The following CHRNA6 variants were observed in gnomAD, a reference collection of about 807,000 sequenced individuals.
The protein encoded by CHRNA6 is neuronal acetylcholine receptor subunit alpha-6.
Under a neutral mutation model 40.9 loss-of-function variants are expected in CHRNA6, and 31 were observed. The observed-to-expected ratio is 0.76, with a 90% confidence interval of 0.57 to 1.02. CHRNA6 has a LOEUF of 1.02. CHRNA6 is among the 50% of genes least tolerant of loss of function. The pLI, the probability that CHRNA6 is intolerant of heterozygous loss-of-function variation, is 0.00. For synonymous variants in CHRNA6, 222 were observed against 221.3 expected (o/e 1.00, Z -0.03); for missense variants, 546 against 596.6 (o/e 0.92, Z 0.88).
chr8:42,765,170 G>C lies in CHRNA6; in HGVS notation c.114C>G (p.Phe38Leu). The C allele has an allele frequency of 6.2e-7, 1 of 1,614,096 alleles. No homozygotes were observed. Among genetic ancestry groups the C allele is most frequent in the African/African-American group, 1.3e-5 (1 of 75,056 alleles). Reference protein sequence around the residue: ...CVGCATEERLFHKLFSHYNQF... With the variant: ...CVGCATEERLLHKLFSHYNQF... ...GGTTGTAATGAGAAAACAGTTTGTG[G>C]AAGAGCCTCTCCTCAGTTGCACAGC... The change falls in exon 2 of 6, where the codon TTC becomes TTG. Residue 38 changes from phenylalanine to leucine, a missense_variant. Transcript: ENST00000276410.
intron 5 of CHRNA6, among the ~76,000 whole-genome samples, chr8:42,754,869 T>C (rs1484258902): frequency 6.6e-6 from 1 of 152,020 alleles, no homozygotes; most frequent in Non-Finnish European, 1.5e-5. Flanking sequence ...AGCACCTAAA[T>C]CCCTCAAGTA....
rs370119382 is a variant in CHRNA6 at position 42,758,359 on chromosome 8, T to G, written c.264+710A>C. On this transcript the variant is annotated intron_variant, in intron 3 of 5. Transcript: ENST00000276410. ...GATTAAGACTTCCTTTCTGTTTTTT[T>G]TTTGTTTTGTTTTGTTTTCAAGACA... is the stretch of plus-strand genomic sequence containing the variant. 4.7e-3 allele frequency among the ~76,000 whole-genome samples: 712 copies of G among 151,774 alleles called. 4 individuals are homozygous for G. The highest frequency in any genetic ancestry group is 0.016 in the African/African-American group (676 of 41,260).
At position 42,760,560 on chromosome 8, in the gene CHRNA6, TCA is replaced by T. The variant is rs1033831640; in HGVS notation, c.220-1449_220-1448del. Among the ~76,000 whole-genome samples, 35 of 149,628 alleles carry T rather than the reference TCA, an allele frequency of 2.3e-4. 1 individual carries two copies. Among genetic ancestry groups the T allele is most frequent in the East Asian group, 8.0e-4 (4 of 4,990 alleles). ...CATACCCACTCACACTCAGGCACAC[TCA>T]CACAGTCATACACAGGCTCACACAC... On this transcript the variant is annotated intron_variant, in intron 2 of 5. Coordinates refer to ENST00000276410, the MANE Select transcript of CHRNA6 (RefSeq NM_004198.3).
intron 3 of CHRNA6, among the ~76,000 whole-genome samples, chr8:42,757,930 G>A (rs2128911513): frequency 6.6e-6 from 1 of 151,598 alleles, no homozygotes; most frequent in East Asian, 1.9e-4. Flanking sequence ...AGCTACTCAG[G>A]AGACTGAGGC....
In CHRNA6 at chr8:42,768,728, A is replaced by C; in HGVS notation, c.-298T>G. ...AAAGGGGAAGAAAAGCAGAAAAGAA[A>C]TGCTGGGGCAGACAGGACCCCGGGA... is the stretch of plus-strand genomic sequence containing the variant. On this transcript the variant is annotated 5_prime_UTR_variant, in exon 1 of 6. Transcript: ENST00000276410. 1 of 273,206 alleles carries C rather than the reference A, an allele frequency of 3.7e-6. No individual in the cohort carries two copies. Among genetic ancestry groups the C allele is most frequent in the Middle Eastern group, 1.1e-3 (1 of 896 alleles). 16.9% of individuals were successfully genotyped at this position (273,206 alleles called of 1,614,324 possible). A position where few individuals can be genotyped will look rare whatever the true frequency, so the allele number is the denominator to read the frequency against.
chr8:42,764,783 C>T (rs946267128), intron 2 of CHRNA6, among the ~76,000 whole-genome samples: 1 of 152,176 alleles, frequency 6.6e-6, no homozygotes, highest in Non-Finnish European at 1.5e-5. Context: ...ACAGTGTAAA[C>T]AGGCGTCTGG....
intron 2 of CHRNA6, among the ~76,000 whole-genome samples, chr8:42,764,456 T>C (rs565753639): frequency 6.6e-6 from 1 of 152,154 alleles, no homozygotes; most frequent in South Asian, 2.1e-4. Flanking sequence ...GCCTCCCTAG[T>C]AGCAGGAGCT....
chr8:42,753,142 G>A lies in CHRNA6; in HGVS notation c.*37C>T. 6.4e-7 allele frequency: 1 copy of A among 1,570,090 alleles called. No homozygotes were observed. Among genetic ancestry groups the A allele is most frequent in the Non-Finnish European group, 8.6e-7 (1 of 1,160,664 alleles). ...TGGCAGGGAATGCAGAACAAATATGGTGTCTGTAAATTTCTGAACATAAAA... is the reference window on the plus strand; with the variant it reads ...TGGCAGGGAATGCAGAACAAATATGATGTCTGTAAATTTCTGAACATAAAA... On this transcript the variant is annotated 3_prime_UTR_variant, in exon 6 of 6. Coordinates refer to ENST00000276410, the MANE Select transcript of CHRNA6 (RefSeq NM_004198.3).
At chr8:42,759,564 G>C (rs994738224) in intron 2 of CHRNA6, among the ~76,000 whole-genome samples, 1 of 152,050 alleles carries the variant, frequency 6.6e-6, no homozygotes, top group East Asian at 1.9e-4. Flanking sequence ...TCTGGGCTCT[G>C]AGTCCTGAGA....
intron 2 of CHRNA6, among the ~76,000 whole-genome samples, chr8:42,759,626 G>A (rs1034761333): frequency 2.6e-5 from 4 of 152,046 alleles, no homozygotes; most frequent in Admixed American, 1.3e-4. Context: ...AGCTGGGCGC[G>A]GTGGCTCACA....
rs771793966 is a variant in CHRNA6, at chr8:42,757,032, C to G, written c.270G>C (p.Trp90Cys). 2.5e-6 allele frequency: 4 copies of G among 1,603,974 alleles called. No individual in the cohort carries two copies. Among genetic ancestry groups the G allele is most frequent in the Non-Finnish European group, 3.4e-6 (4 of 1,170,992 alleles). ...GATCCCAGCGCAATTTATAATCATT[C>G]CAGATCTAAAATAAATAGAAATCAG... Reference protein sequence around the residue: ...METNLWLRHIWNDYKLRWDPM... With the variant: ...METNLWLRHICNDYKLRWDPM... Residue 90 changes from tryptophan (W) to cysteine (C), a missense_variant, in exon 4 of 6, where the codon TGG becomes TGC. Trp to Cys is a radical substitution (Grantham distance 215). This residue lies in a region of CHRNA6 where 476 missense variants were observed against 494.5 expected (regional missense o/e 0.96). Transcript: ENST00000276410.
intron 1 of CHRNA6, among the ~76,000 whole-genome samples, chr8:42,766,734 C>T (rs536072902): frequency 2.6e-5 from 4 of 152,198 alleles, no homozygotes; most frequent in African/African-American, 9.6e-5. Context: ...ACTAGAGCCT[C>T]TTGAGGGGGT....
In CHRNA6 at chr8:42,756,701, A is replaced by AG; in HGVS notation, c.497dup (p.Asp168Ter). On this transcript the variant is annotated frameshift_variant, in exon 5 of 6. Transcript: ENST00000276410. LOFTEE classifies it high-confidence loss of function. ...TTAGGGAACAGTTTTGATGATCAAA[A>AG]GGGAAAAAGGTGATATCCATAGGGC... The AG allele has an allele frequency of 6.2e-7, 1 of 1,614,200 alleles. No individual in the cohort carries two copies. The highest frequency in any genetic ancestry group is 8.5e-7 in the Non-Finnish European group (1 of 1,180,032).
chr8:42,757,266 T>A (rs1250448949), intron 3 of CHRNA6, among the ~76,000 whole-genome samples: 2 of 151,834 alleles, frequency 1.3e-5, no homozygotes, highest in Non-Finnish European at 2.9e-5. Context: ...CTCGGGAGGC[T>A]GAGGCAGGAG....
At chr8:42,767,256 C>T (rs549597478) in intron 1 of CHRNA6, among the ~76,000 whole-genome samples, 4 of 152,338 alleles carry the variant, frequency 2.6e-5, no homozygotes, top group East Asian at 1.9e-4. Context: ...CATGAGCCAC[C>T]GCGCCCTGCC....
At chr8:42,764,995 A>G in intron 2 of CHRNA6, 70 bp downstream of exon 2, 1 of 1,525,868 alleles carries the variant, frequency 6.6e-7, no homozygotes, top group Non-Finnish European at 9.0e-7. Flanking sequence ...CTGTATTTCT[A>G]AAATTCCTTC....
At position 42,753,446 on chromosome 8, in the gene CHRNA6, G is replaced by T; in HGVS notation, c.1354-136C>A. 1.3e-5 allele frequency: 10 copies of T among 795,250 alleles called. No homozygotes were observed. The Admixed American group carries it at 2.0e-4, about 16-fold the overall frequency. 49.3% of individuals were successfully genotyped at this position (795,250 alleles called of 1,614,324 possible). On this transcript the variant is annotated intron_variant, in intron 5 of 5. Transcript: ENST00000276410. ...TTTTAAAGCAAATATCAGCTGGGTGGGAGGATCATCTGAGGTCTGGAGTTC... is the reference window on the plus strand; with the variant it reads ...TTTTAAAGCAAATATCAGCTGGGTGTGAGGATCATCTGAGGTCTGGAGTTC...
intron 3 of CHRNA6, among the ~76,000 whole-genome samples, chr8:42,758,191 TATTG>T (rs1816838964): frequency 6.6e-6 from 1 of 152,204 alleles, no homozygotes; most frequent in South Asian, 2.1e-4. Context: ...GATAATTATG[TATTG>T]ATTATTAGTT....
At position 42,756,572 on chromosome 8, in the gene CHRNA6, A is replaced by G. The variant is rs1816804397; in HGVS notation, c.627T>C (p.Ile209=). 1.2e-6 allele frequency: 2 copies of G among 1,614,154 alleles called. No homozygotes were observed. The highest frequency in any genetic ancestry group is 1.7e-6 in the Non-Finnish European group (2 of 1,180,030). The change falls in exon 5 of 6, where the codon ATT becomes ATC. Residue 209 remains isoleucine (I), a synonymous_variant. Transcript: ENST00000276410. ...DFWENSEWEI[I]DASGYKHDIK... ...TGTCATGTTTGTAGCCAGAGGCATC[A>G]ATGATTTCCCATTCACTGTTTTCCC...
Sources: allele counts gnomAD v4.1 joint callset (sites outside exome capture counted in the v4.1 genomes callset), GRCh38; gene constraint gnomAD v4.1.1; regional missense constraint gnomAD v4.1.1; transcripts MANE v1.5; gene names NCBI Gene and HGNC (gene_info 2026-07-23, HGNC 2026-07-21).